AKAP9: variants seen among roughly 807,000 people sequenced by gnomAD.
AKAP9 encodes the protein A-kinase anchoring protein 9, also known as A-kinase anchor protein 9.
A neutral mutation model predicts 488.5 loss-of-function variants in AKAP9; 311 were observed. The ratio of observed to expected loss-of-function variants is 0.64; its 90% CI spans 0.58 to 0.70. The LOEUF (loss-of-function observed/expected upper bound fraction) is 0.70, where lower values mean the gene tolerates loss of function less well. Ranked by LOEUF, AKAP9 falls within the 30% of genes least tolerant of loss-of-function variation. The pLI is 0.00. For synonymous variants in AKAP9, 1,462 were observed against 1,483.5 expected (o/e 0.99, Z 0.33); for missense variants, 4,215 against 4,374.5 (o/e 0.96, Z 1.03).
intron 1 of AKAP9, among the ~76,000 whole-genome samples, chr7:91,951,820 A>G (rs1448160544): frequency 1.3e-5 from 2 of 152,184 alleles, no homozygotes; most frequent in Non-Finnish European, 2.9e-5. Context: ...GCTTGCAGTG[A>G]GCCAAGATCA....
rs1462626279 is a variant in AKAP9 at position 92,001,583 on chromosome 7, A to G, written c.1666A>G (p.Ser556Gly). ...RARQTIAEQESKLNEAHKSLS... is the reference protein window; with the variant it reads ...RARQTIAEQEGKLNEAHKSLS... ...TAGACAGACAATAGCTGAACAAGAA[A>G]GTAAACTTAATGAAGCACATAAGTC... The change falls in exon 8 of 50, where the codon AGT becomes GGT. Residue 556 changes from serine to glycine, a missense_variant. Physicochemically the swap from Ser to Gly is moderately conservative, Grantham distance 56. Transcript: ENST00000356239. The G allele has an allele frequency of 1.2e-6, 2 of 1,613,802 alleles. No individual in the cohort carries two copies. The highest frequency in any genetic ancestry group is 1.7e-6 in the Non-Finnish European group (2 of 1,179,844).
At chr7:92,084,151 T>A (rs929146043) in intron 33 of AKAP9, among the ~76,000 whole-genome samples, 3 of 152,226 alleles carry the variant, frequency 2.0e-5, no homozygotes, top group Non-Finnish European at 4.4e-5. Context: ...GCAAATGACA[T>A]GAACGCATCC....
At chr7:91,974,702 C>G (rs910045632) in intron 2 of AKAP9, among the ~76,000 whole-genome samples, 1 of 152,086 alleles carries the variant, frequency 6.6e-6, no homozygotes, top group Middle Eastern at 3.2e-3. Context: ...GTTTTGTCAT[C>G]TTAACAATAT....
At chr7:92,061,195 T>C in intron 22 of AKAP9, 65 bp from the exon 23 acceptor site, 1 of 1,571,710 alleles carries the variant, frequency 6.4e-7, no homozygotes, top group East Asian at 2.3e-5. Context: ...CCAGCTTTAA[T>C]AGGGAATGAA....
At chr7:92,010,505 C>G (rs1213868538) in intron 8 of AKAP9, among the ~76,000 whole-genome samples, 1 of 152,244 alleles carries the variant, frequency 6.6e-6, no homozygotes, top group Non-Finnish European at 1.5e-5. Context: ...GCCACTCTTT[C>G]ACTGAATACT....
In AKAP9 at chr7:92,014,254, G is replaced by T; in HGVS notation, c.3538G>T (p.Glu1180Ter). 6.2e-7 allele frequency: 1 copy of T among 1,608,990 alleles called. No individual in the cohort carries two copies. Among genetic ancestry groups the T allele is most frequent in the Non-Finnish European group, 8.5e-7 (1 of 1,175,572 alleles). The change falls in exon 10 of 50, where the codon GAA becomes TAA. Residue 1180 changes from glutamate to a stop codon, truncating the protein, a stop_gained. Coordinates refer to ENST00000356239, the MANE Select transcript of AKAP9 (RefSeq NM_005751.5). LOFTEE classifies it high-confidence loss of function. ...QTMKTQETGD[E>*]GKPLHLLIGK... ...TCCATTATCTGTTCTATTAGGTGATGAAGGAAAGCCTTTACATCTGCTCAT... is the reference window on the plus strand; with the variant it reads ...TCCATTATCTGTTCTATTAGGTGATTAAGGAAAGCCTTTACATCTGCTCAT...
chr7:92,011,159 A>T (rs1800695165), intron 8 of AKAP9, among the ~76,000 whole-genome samples: 1 of 152,224 alleles, frequency 6.6e-6, no homozygotes, highest in Non-Finnish European at 1.5e-5. Flanking sequence ...AATGTGATAG[A>T]AGCATTCCCA....
At chr7:92,109,396 T>C (rs769016354) in intron 49 of AKAP9, among the ~76,000 whole-genome samples, 2 of 152,230 alleles carry the variant, frequency 1.3e-5, no homozygotes, top group Non-Finnish European at 2.9e-5. Context: ...AAGCATCTTG[T>C]AGTAATAGGA....
chr7:91,981,533 C>T (rs983478352), intron 3 of AKAP9, among the ~76,000 whole-genome samples: 9 of 151,296 alleles, frequency 5.9e-5, no homozygotes, highest in African/African-American at 1.5e-4. Context: ...CACTTGAAGA[C>T]ACCAAGGGAT....
chr7:92,085,611 G>C lies in AKAP9; in HGVS notation c.8949G>C (p.Glu2983Asp), dbSNP rs1286735048. The change falls in exon 36 of 50, where the codon GAG (glutamate) becomes GAC (aspartate). Residue 2983 changes from glutamate to aspartate, a missense_variant. This residue lies in a region of AKAP9 where 1,476 missense variants were observed against 1,477.4 expected (regional missense o/e 1.00). Coordinates refer to ENST00000356239, the MANE Select transcript of AKAP9 (RefSeq NM_005751.5). Reference sequence around the variant, plus strand: ...AGGTTTCAGAACCTTGGCTAGAAGAGAGAAAAGCTTACATCAATACAATCT... The same window carrying C: ...AGGTTTCAGAACCTTGGCTAGAAGACAGAAAAGCTTACATCAATACAATCT... Reference protein sequence around the residue: ...IQQVSEPWLEERKAYINTISS... With the variant: ...IQQVSEPWLEDRKAYINTISS... The C allele has an allele frequency of 3.5e-5, 57 of 1,613,752 alleles. 1 individual carries two copies. The Admixed American group carries it at 9.0e-4, about 26-fold the overall frequency.
chr7:92,100,719 T>A (rs1445331906), intron 44 of AKAP9, 137 bp from the exon 45 acceptor site: 1 of 913,294 alleles, frequency 1.1e-6, no homozygotes, highest in Admixed American at 1.8e-5. Context: ...ATGCGTAATG[T>A]CAATTGAGAT....
At chr7:91,987,862 A>AT (rs1264934405) in intron 3 of AKAP9, among the ~76,000 whole-genome samples, 1 of 152,148 alleles carries the variant, frequency 6.6e-6, no homozygotes, top group Non-Finnish European at 1.5e-5. Context: ...TTATCTCTCA[A>AT]TAACACACCT....
At chr7:91,942,678 T>C (rs1350183554) in intron 1 of AKAP9, among the ~76,000 whole-genome samples, 1 of 152,238 alleles carries the variant, frequency 6.6e-6, no homozygotes, top group Non-Finnish European at 1.5e-5. Flanking sequence ...TGGTTTACTT[T>C]GGACATACAC....
At chr7:92,102,166 A>T (rs1405407141) in intron 45 of AKAP9, among the ~76,000 whole-genome samples, 2 of 116,796 alleles carry the variant, frequency 1.7e-5, no homozygotes, top group Non-Finnish European at 3.4e-5. Context: ...ATAAATTTAA[A>T]AAAAAAATAA....
intron 48 of AKAP9, chr7:92,107,648 G>A (rs764396585): frequency 1.6e-5 from 7 of 448,028 alleles, no homozygotes; most frequent in Non-Finnish European, 2.8e-5. Context: ...CAGCTAGTTG[G>A]AGACTAGCCT....
At chr7:92,071,074 ATAT>A in intron 28 of AKAP9, 65 bp downstream of exon 28, 5 of 1,409,630 alleles carry the variant, frequency 3.5e-6, no homozygotes, top group Non-Finnish European at 5.0e-6. Context: ...TACCTTGAAA[ATAT>A]TATTTGAACT....
Position 92,077,626 on chromosome 7 carries a change from C to T in AKAP9, c.6766-70C>T, listed in dbSNP as rs565349054. The stretch of plus-strand genomic sequence containing the variant: ...ATTTGTACGTTATAGGCTCTGATTT[C>T]TTTTGTAATTATGTTCTGAAAATGA... On this transcript the variant is annotated intron_variant, in intron 29 of 49. Coordinates refer to ENST00000356239, the MANE Select transcript of AKAP9 (RefSeq NM_005751.5). The T allele has an allele frequency of 2.7e-5, 36 of 1,345,266 alleles. No homozygotes were observed. The South Asian group carries it at 4.2e-4, about 16-fold the overall frequency. The allele number at this position is 1,345,266 out of a possible 1,614,324, so 83.3% of individuals were successfully genotyped here. A position where few individuals can be genotyped will look rare whatever the true frequency, so the allele number is the denominator to read the frequency against.
At chr7:91,981,033 T>C (rs1796349788) in intron 3 of AKAP9, among the ~76,000 whole-genome samples, 1 of 152,254 alleles carries the variant, frequency 6.6e-6, no homozygotes, top group African/African-American at 2.4e-5. Context: ...ATTACTGTTT[T>C]AGATTGCTAA....
At chr7:92,027,489 G>C (rs1803471727) in intron 14 of AKAP9, among the ~76,000 whole-genome samples, 1 of 139,804 alleles carries the variant, frequency 7.2e-6, no homozygotes, top group African/African-American at 2.7e-5. Context: ...TGGGAGGTGA[G>C]GAGCCCCTCT....
Sources: allele counts gnomAD v4.1 joint callset (sites outside exome capture counted in the v4.1 genomes callset), GRCh38; gene constraint gnomAD v4.1.1; regional missense constraint gnomAD v4.1.1; transcripts MANE v1.5; gene names NCBI Gene and HGNC (gene_info 2026-07-23, HGNC 2026-07-21).